Variants in FCHO2 observed in about 807,000 individuals in gnomAD.
FCHO2 encodes the protein F-BAR domain only protein 2.
In FCHO2, 43 loss-of-function variants were observed where a neutral mutation model predicts 114.1. The observed-to-expected ratio is 0.38, with a 90% confidence interval of 0.30 to 0.49. FCHO2 has a LOEUF of 0.49. Among genes scored for constraint, FCHO2 ranks in the 20% least tolerant of loss-of-function variants. The pLI is 0.97. For synonymous variants in FCHO2, 293 were observed against 315.2 expected (o/e 0.93, Z 0.75); for missense variants, 807 against 950.4 (o/e 0.85, Z 1.98).
chr5:72,967,709 T>C (rs1752279043), intron 1 of FCHO2, among the ~76,000 whole-genome samples: 1 of 152,132 alleles, frequency 6.6e-6, no homozygotes, highest in Non-Finnish European at 1.5e-5. Flanking sequence ...AACCTCCACC[T>C]CCCGGGTTCA....
At chr5:73,072,573 TA>T (rs1742709138) in intron 19 of FCHO2, among the ~76,000 whole-genome samples, 1 of 152,076 alleles carries the variant, frequency 6.6e-6, no homozygotes, top group Non-Finnish European at 1.5e-5. Flanking sequence ...TATTCAGCCT[TA>T]AAAGGGAAAG....
chr5:72,994,065 C>G (rs577372373), intron 5 of FCHO2, among the ~76,000 whole-genome samples: 23 of 152,108 alleles, frequency 1.5e-4, no homozygotes, highest in African/African-American at 5.3e-4. Context: ...CCATTCTGGA[C>G]ATAGGAATGG....
At chr5:72,958,786 C>T (rs1487226428) in intron 1 of FCHO2, among the ~76,000 whole-genome samples, 1 of 152,130 alleles carries the variant, frequency 6.6e-6, no homozygotes, top group Non-Finnish European at 1.5e-5. Flanking sequence ...AATTGATGCT[C>T]TTGTAAATGT....
At chr5:72,978,206 G>A (rs746969631) in intron 2 of FCHO2, among the ~76,000 whole-genome samples, 4 of 152,160 alleles carry the variant, frequency 2.6e-5, no homozygotes, top group Non-Finnish European at 5.9e-5. Flanking sequence ...GGGCAGTATG[G>A]CCATTTTCAC....
chr5:73,073,633 C>G (rs943340317), intron 19 of FCHO2, among the ~76,000 whole-genome samples: 5 of 152,042 alleles, frequency 3.3e-5, no homozygotes, highest in Non-Finnish European at 5.9e-5. Context: ...AACAGAGTAT[C>G]TTTTTTCACT....
chr5:72,961,693 C>G (rs1751880173), intron 1 of FCHO2, among the ~76,000 whole-genome samples: 1 of 151,962 alleles, frequency 6.6e-6, no homozygotes. Context: ...CTCCCAGGTT[C>G]AAGCAATTCT....
intron 8 of FCHO2, among the ~76,000 whole-genome samples, chr5:73,024,459 A>G (rs1410429628): frequency 6.7e-6 from 1 of 148,284 alleles, no homozygotes. Context: ...TTTTTTTTGG[A>G]GTCGGAGTCT....
chr5:73,005,194 G>T (rs917889872), intron 5 of FCHO2, among the ~76,000 whole-genome samples: 1 of 152,132 alleles, frequency 6.6e-6, no homozygotes, highest in African/African-American at 2.4e-5. Context: ...TAGGGAGTAG[G>T]ACTATATGTA....
intron 24 of FCHO2, among the ~76,000 whole-genome samples, chr5:73,086,396 C>T (rs998914609): frequency 5.4e-4 from 82 of 152,300 alleles, no homozygotes; most frequent in African/African-American, 1.9e-3. Context: ...GTTGTGACAT[C>T]CTATTCTCCA....
At chr5:73,069,079 C>G (rs1024701613) in intron 19 of FCHO2, among the ~76,000 whole-genome samples, 1 of 152,056 alleles carries the variant, frequency 6.6e-6, no homozygotes, top group African/African-American at 2.4e-5. Context: ...CTTCTGTGAA[C>G]TGATAGTTGC....
At chr5:73,001,637 A>G (rs1044256282) in intron 5 of FCHO2, among the ~76,000 whole-genome samples, 1 of 151,690 alleles carries the variant, frequency 6.6e-6, no homozygotes, top group Non-Finnish European at 1.5e-5. Context: ...TGGCATATCA[A>G]TTTTACCTTT....
chr5:73,087,929 G>A, intron 25 of FCHO2, 139 bp from the exon 26 acceptor site: 2 of 1,396,760 alleles, frequency 1.4e-6, no homozygotes, highest in Non-Finnish European at 2.0e-6. Flanking sequence ...GGTCAGTATA[G>A]CTGAACACCT....
intron 6 of FCHO2, among the ~76,000 whole-genome samples, chr5:73,012,826 C>T (rs1379768305): frequency 6.6e-6 from 1 of 151,900 alleles, no homozygotes; most frequent in Non-Finnish European, 1.5e-5. Context: ...AGCAGTGTGC[C>T]CCTACCCCCA....
chr5:73,054,539 G>C lies in FCHO2; in HGVS notation c.1200G>C (p.Arg400=), dbSNP rs1365234884. The change falls in exon 15 of 26, where the codon CGG becomes CGC. Residue 400 remains arginine, a synonymous_variant. Coordinates refer to ENST00000430046, the MANE Select transcript of FCHO2 (RefSeq NM_138782.3). ...CTCTGTTTTAGGTACAGATGAATCGGAATTTGTCTAGTAAGTTTGACATTT... is the reference window on the plus strand; with the variant it reads ...CTCTGTTTTAGGTACAGATGAATCGCAATTTGTCTAGTAAGTTTGACATTT... ...ISRHSPVQMN[R]NLSNEELTKS... 1 of 1,539,628 alleles carries C rather than the reference G, an allele frequency of 6.5e-7. No homozygotes were observed. Among genetic ancestry groups the C allele is most frequent in the African/African-American group, 1.4e-5 (1 of 72,446 alleles).
chr5:73,049,118 C>T (rs926531542), intron 11 of FCHO2, among the ~76,000 whole-genome samples: 3 of 151,806 alleles, frequency 2.0e-5, no homozygotes, highest in South Asian at 2.1e-4. Flanking sequence ...CCTCGTGATC[C>T]GCCCGCCTCG....
At chr5:73,010,875 CAAAAAAAAAA>C (rs57820498) in intron 6 of FCHO2, among the ~76,000 whole-genome samples, 735 of 25,744 alleles carry the variant, frequency 0.029, 8 homozygotes, top group African/African-American at 0.08. Flanking sequence ...GACTCTGTCT[CAAAAAAAAAA>C]AAAAAAAAAA....
At chr5:73,038,194 T>C (rs1756626503) in intron 10 of FCHO2, 1 of 152,536 alleles carries the variant, frequency 6.6e-6, no homozygotes, top group African/African-American at 2.4e-5. Flanking sequence ...ACATTAGAAC[T>C]ACCTGGGAAA....
chr5:73,015,567 A>AAT, intron 6 of FCHO2, 59 bp from the exon 7 acceptor site: 6 of 1,007,690 alleles, frequency 6.0e-6, no homozygotes, highest in Admixed American at 2.9e-5. Flanking sequence ...TTGATTCCAG[A>AAT]ATATATATGT....
chr5:73,080,110 A>G (rs1464280910), intron 22 of FCHO2, among the ~76,000 whole-genome samples: 1 of 152,202 alleles, frequency 6.6e-6, no homozygotes, highest in Non-Finnish European at 1.5e-5. Flanking sequence ...CATAAGATGA[A>G]CCACAGGGCT....
Sources: gnomAD v4.1 joint callset for allele counts (sites outside exome capture counted in the v4.1 genomes callset) on GRCh38, gnomAD v4.1.1 for gene constraint, MANE v1.5 for transcripts, NCBI Gene and HGNC (gene_info 2026-07-23, HGNC 2026-07-21) for gene names.